Variants in SLC25A21 observed in about 807,000 individuals in gnomAD.
SLC25A21 encodes the protein mitochondrial 2-oxodicarboxylate carrier.
In SLC25A21, 47 loss-of-function variants were observed where a neutral mutation model predicts 43.8. The ratio of observed to expected loss-of-function variants is 1.07; its 90% CI spans 0.85 to 1.37. SLC25A21 has a LOEUF of 1.37. Ranked by LOEUF, SLC25A21 falls within the 40% of genes most tolerant of loss-of-function variation. The probability of loss-of-function intolerance (pLI) is 0.00; values close to 1 mark genes in which losing one functional copy is unlikely to be tolerated. For synonymous variants in SLC25A21, 131 were observed against 121.3 expected (o/e 1.08, Z -0.52); for missense variants, 352 against 350.2 (o/e 1.00, Z -0.04).
chr14:36,971,523 GCCAATCTGCGGGCCCTAGATAAA>G (rs1959748761), intron 1 of SLC25A21, among the ~76,000 whole-genome samples: 1 of 152,082 alleles, frequency 6.6e-6, no homozygotes, highest in Non-Finnish European at 1.5e-5. Context: ...ACCTGGTCAA[GCCAATCTGCGGGCCCTAGATAAA>G]CCAGACACCA....
At chr14:37,013,665 C>A (rs574524759) in intron 1 of SLC25A21, among the ~76,000 whole-genome samples, 2 of 152,152 alleles carry the variant, frequency 1.3e-5, no homozygotes, top group African/African-American at 4.8e-5. Context: ...AAATATTTAC[C>A]CCTCACCCCC....
intron 7 of SLC25A21, among the ~76,000 whole-genome samples, chr14:36,694,983 C>A (rs1245856793): frequency 6.6e-6 from 1 of 152,150 alleles, no homozygotes; most frequent in Non-Finnish European, 1.5e-5. Flanking sequence ...AGTCCTTGCC[C>A]ATGCCTGTGT....
chr14:36,887,528 A>C (rs1376303422), intron 1 of SLC25A21, among the ~76,000 whole-genome samples: 1 of 148,786 alleles, frequency 6.7e-6, no homozygotes, highest in African/African-American at 2.5e-5. Context: ...ACGCCACTGC[A>C]CTCCAGCCTG....
intron 2 of SLC25A21, among the ~76,000 whole-genome samples, chr14:36,834,714 T>G (rs1594627413): frequency 6.6e-6 from 1 of 152,238 alleles, no homozygotes; most frequent in East Asian, 1.9e-4. Flanking sequence ...TTGTTAAAGG[T>G]TTTCTGACTC....
At chr14:36,876,401 T>C (rs1439066469) in intron 1 of SLC25A21, among the ~76,000 whole-genome samples, 1 of 152,158 alleles carries the variant, frequency 6.6e-6, no homozygotes, top group East Asian at 1.9e-4. Context: ...CCAATATGGA[T>C]GATGTTTGTG....
intron 1 of SLC25A21, among the ~76,000 whole-genome samples, chr14:37,035,371 T>C (rs930348401): frequency 6.6e-6 from 1 of 152,248 alleles, no homozygotes; most frequent in Non-Finnish European, 1.5e-5. Flanking sequence ...GTTCTGGCCC[T>C]GTGAGTTGTT....
In SLC25A21 at chr14:37,053,475, G is replaced by C. The variant is rs916811601; in HGVS notation, c.70+118806C>G. ...GGTTAAAAGGAAAGAAAGGTTAAAT[G>C]CTATATAATGTATATCCTCTGACAA... On this transcript the variant is annotated intron_variant, in intron 1 of 9. Coordinates refer to ENST00000331299, the MANE Select transcript of SLC25A21 (RefSeq NM_030631.4). Among the ~76,000 whole-genome samples the C allele has an allele frequency of 3.3e-5, 5 of 152,162 alleles. No individual in the cohort carries two copies. In the East Asian group the frequency reaches 9.6e-4, roughly 29 times the overall value.
At chr14:36,879,963 G>A (rs909959254) in intron 1 of SLC25A21, among the ~76,000 whole-genome samples, 1 of 152,076 alleles carries the variant, frequency 6.6e-6, no homozygotes, top group African/African-American at 2.4e-5. Flanking sequence ...ATATACTTCT[G>A]AGAATCCTAC....
At chr14:37,018,904 A>G (rs999992934) in intron 1 of SLC25A21, among the ~76,000 whole-genome samples, 2 of 152,004 alleles carry the variant, frequency 1.3e-5, no homozygotes, top group African/African-American at 4.8e-5. Context: ...TAGGTTTCAA[A>G]AAAATGGTTT....
intron 3 of SLC25A21, among the ~76,000 whole-genome samples, chr14:36,765,057 T>C (rs545058634): frequency 1.2e-4 from 18 of 152,328 alleles, no homozygotes; most frequent in South Asian, 6.2e-4. Flanking sequence ...CCTTGACCAA[T>C]AGAATATGGG....
chr14:36,994,204 T>C (rs1960324193), intron 1 of SLC25A21, among the ~76,000 whole-genome samples: 2 of 152,210 alleles, frequency 1.3e-5, no homozygotes, highest in African/African-American at 4.8e-5. Context: ...ACTTGTTACC[T>C]GCTTCACAAT....
chr14:37,102,684 G>C (rs1355033596), intron 1 of SLC25A21, among the ~76,000 whole-genome samples: 1 of 151,952 alleles, frequency 6.6e-6, no homozygotes, highest in African/African-American at 2.4e-5. Flanking sequence ...TGTGCTCTCA[G>C]AAAGTAGTTA....
In SLC25A21 at chr14:36,682,507, A is replaced by G. The variant is rs954004484; in HGVS notation, c.838+1321T>C. Among the ~76,000 whole-genome samples, 114 of 152,204 alleles carry G rather than the reference A, an allele frequency of 7.5e-4. 1 individual carries two copies. Among genetic ancestry groups the G allele is most frequent in the Non-Finnish European group, 1.5e-3 (102 of 68,032 alleles). ...GGGTCAGATTATTTAAGAGTTTTGGATGAAGGTTCCAGTCAATTACCATTT... is the reference window on the plus strand; with the variant it reads ...GGGTCAGATTATTTAAGAGTTTTGGGTGAAGGTTCCAGTCAATTACCATTT... On this transcript the variant is annotated intron_variant, in intron 9 of 9. Transcript: ENST00000331299.
chr14:36,977,954 TAAAAAAA>T lies in SLC25A21; in HGVS notation c.71-102957_71-102951del, dbSNP rs36000189. Among the ~76,000 whole-genome samples the T allele has an allele frequency of 5.0e-5, 6 of 121,098 alleles. No individual in the cohort carries two copies. In the South Asian group the frequency reaches 1.5e-3, roughly 31 times the overall value. The allele number at this position is 121,098 out of a possible 152,430, so 79.4% of individuals were successfully genotyped here. On this transcript the variant is annotated intron_variant, in intron 1 of 9. Coordinates refer to ENST00000331299, the MANE Select transcript of SLC25A21 (RefSeq NM_030631.4). ...TGATTACAAAGCTTTTTTTTTTTTT[TAAAAAAA>T]AAAAAAGACAATTAGTTTGAACTTT...
chr14:36,949,762 G>A (rs1892761332), intron 1 of SLC25A21, among the ~76,000 whole-genome samples: 1 of 152,178 alleles, frequency 6.6e-6, no homozygotes, highest in Admixed American at 6.5e-5. Flanking sequence ...AATTGGGACA[G>A]TAAATGGAAA....
intron 1 of SLC25A21, among the ~76,000 whole-genome samples, chr14:36,998,711 A>C (rs1960424343): frequency 6.6e-6 from 1 of 152,184 alleles, no homozygotes; most frequent in African/African-American, 2.4e-5. Context: ...ACAATTAAAA[A>C]AAAAAAACCT....
intron 1 of SLC25A21, among the ~76,000 whole-genome samples, chr14:37,160,633 G>A (rs1350681368): frequency 6.6e-6 from 1 of 152,006 alleles, no homozygotes; most frequent in Non-Finnish European, 1.5e-5. Context: ...CAGTGAGATA[G>A]TAGAAATAAA....
Position 36,794,504 on chromosome 14 carries a change from A to G in SLC25A21, c.203+19414T>C, listed in dbSNP as rs150315297. On this transcript the variant is annotated intron_variant, in intron 3 of 9. Transcript: ENST00000331299. ...CATCCCAAGCTGGGAGTGGTGGCTCATGCCTGTAAGCCCAGCACGTTGGGA... is the reference window on the plus strand; with the variant it reads ...CATCCCAAGCTGGGAGTGGTGGCTCGTGCCTGTAAGCCCAGCACGTTGGGA... Among the ~76,000 whole-genome samples, 892 of 152,292 alleles carry G rather than the reference A, an allele frequency of 5.9e-3. 3 individuals are homozygous for G. Among genetic ancestry groups the G allele is most frequent in the African/African-American group, 0.02 (851 of 41,552 alleles).
At chr14:36,762,308 T>G (rs1477423400) in intron 3 of SLC25A21, among the ~76,000 whole-genome samples, 1 of 152,196 alleles carries the variant, frequency 6.6e-6, no homozygotes, top group African/African-American at 2.4e-5. Context: ...AGGAAGAGTT[T>G]CCTGATTCTA....
Sources: allele counts gnomAD v4.1 joint callset (sites outside exome capture counted in the v4.1 genomes callset), GRCh38; gene constraint gnomAD v4.1.1; transcripts MANE v1.5; gene names NCBI Gene and HGNC (gene_info 2026-07-23, HGNC 2026-07-21).